CDC42EP5: variants seen among roughly 807,000 people sequenced by gnomAD.
CDC42EP5 encodes CDC42 effector protein (Rho GTPase binding) 5.
For missense variants in CDC42EP5, 269 were observed against 238.0 expected (o/e 1.13, Z -0.86); for synonymous variants, 118 against 123.3 (o/e 0.96, Z 0.28).
chr19:54,470,462 GGAAAGAGAAA>G (rs373631140), intron 2 of CDC42EP5, among the ~76,000 whole-genome samples: 52 of 133,046 alleles, frequency 3.9e-4, no homozygotes, highest in East Asian at 1.3e-3. Flanking sequence ...AAGGAAGGAA[GGAAAGAGAAA>G]GAAAGAGAAA....
Position 54,465,170 on chromosome 19 carries a change from C to T in CDC42EP5, c.378G>A (p.Gly126=), listed in dbSNP as rs978367517. The T allele has an allele frequency of 2.8e-6, 4 of 1,415,390 alleles. No individual in the cohort carries two copies. In the African/African-American group the frequency reaches 4.5e-5, roughly 16 times the overall value. 87.7% of individuals were successfully genotyped at this position (1,415,390 alleles called of 1,614,324 possible). Residue 126 remains glycine, a synonymous_variant, in exon 3 of 3, where the codon GGG becomes GGA. Transcript: ENST00000301200. ...GGCAGCGGGCCTGGGGGGGCTGCGT[C>T]CCGGGGCGGGGTTCCGCGTCGGGCT... The part of the protein sequence containing the change: ...AAKPDAEPRP[G]TQPPQARCRP...
chr19:54,467,925 CTTTTG>C (rs1201625733), intron 2 of CDC42EP5, among the ~76,000 whole-genome samples: 1 of 152,160 alleles, frequency 6.6e-6, no homozygotes, highest in African/African-American at 2.4e-5. Flanking sequence ...TGACCTTGTA[CTTTTG>C]TTTTAACAGT....
rs767148988 is a variant in CDC42EP5 at position 54,465,503 on chromosome 19, C to T, written c.45G>A (p.Arg15=). Residue 15 remains arginine, a synonymous_variant, in exon 3 of 3, where the codon CGG becomes CGA. Transcript: ENST00000301200. ...KQLGPAQPKK[R]PDRGALSISA... is the part of the protein sequence containing the mutation. ...AGATGGACAGGGCGCCGCGATCAGG[C>T]CGCTTCTTGGGCTGCGCGGGGCCCA... The T allele has an allele frequency of 1.3e-5, 20 of 1,541,252 alleles. No homozygotes were observed. The highest frequency in any genetic ancestry group is 1.6e-5 in the Non-Finnish European group (18 of 1,156,082).
Position 54,465,532 on chromosome 19 carries a change from G to A in CDC42EP5, c.16C>T (p.Gln6Ter). 6.5e-7 allele frequency: 1 copy of A among 1,535,846 alleles called. No homozygotes were observed. Among genetic ancestry groups the A allele is most frequent in the Non-Finnish European group, 8.7e-7 (1 of 1,153,228 alleles). The part of the protein sequence containing the change: MPVLK[Q>*]LGPAQPKKRP... ...TTCTTGGGCTGCGCGGGGCCCAGCT[G>A]CTTCAGCACGGGCATCTGCGAGGGG... The change falls in exon 3 of 3, where the codon CAG (glutamine) becomes TAG (stop). Residue 6 changes from glutamine to a stop codon, truncating the protein, a stop_gained. Coordinates refer to ENST00000301200, the MANE Select transcript of CDC42EP5 (RefSeq NM_145057.4). LOFTEE classifies it low-confidence loss of function (END_TRUNC).
In CDC42EP5 at chr19:54,473,267, T is replaced by C. The variant is rs932221912; in HGVS notation, c.-345A>G. The C allele has an allele frequency of 7.1e-6, 1 of 141,242 alleles. No homozygotes were observed. The highest frequency in any genetic ancestry group is 2.7e-5 in the African/African-American group (1 of 36,716). 8.7% of individuals were successfully genotyped at this position (141,242 alleles called of 1,614,324 possible). Reference sequence around the variant, plus strand: ...AGCTGAGGCCCCTCTGGGCGGAGTGTGGGGGCGGGAGGAGGCCAGGACTAA... The same window carrying C: ...AGCTGAGGCCCCTCTGGGCGGAGTGCGGGGGCGGGAGGAGGCCAGGACTAA... On this transcript the variant is annotated 5_prime_UTR_variant, in exon 1 of 3. Coordinates refer to ENST00000301200, the MANE Select transcript of CDC42EP5 (RefSeq NM_145057.4).
At chr19:54,466,437 CT>C (rs2084757243) in intron 2 of CDC42EP5, among the ~76,000 whole-genome samples, 1 of 152,076 alleles carries the variant, frequency 6.6e-6, no homozygotes, top group African/African-American at 2.4e-5. Flanking sequence ...GAGTGAAACC[CT>C]GTCTCAATAA....
At chr19:54,468,700 T>C (rs927849115) in intron 2 of CDC42EP5, among the ~76,000 whole-genome samples, 8 of 146,604 alleles carry the variant, frequency 5.5e-5, no homozygotes, top group African/African-American at 2.0e-4. Context: ...CATGCTACCA[T>C]GTAGTGTTAT....
At chr19:54,465,581 A>G in intron 2 of CDC42EP5, 34 bp from the exon 3 acceptor site, 5 of 1,426,882 alleles carry the variant, frequency 3.5e-6, no homozygotes, top group Non-Finnish European at 4.5e-6. Flanking sequence ...GCGCGGCCCC[A>G]GCCCGGGGCT....
At chr19:54,468,835 T>A (rs904971855) in intron 2 of CDC42EP5, among the ~76,000 whole-genome samples, 4 of 150,684 alleles carry the variant, frequency 2.7e-5, no homozygotes, top group African/African-American at 9.8e-5. Context: ...TACAGGTGTG[T>A]GCCAGTAAGC....
At chr19:54,469,251 C>T (rs935065388) in intron 2 of CDC42EP5, among the ~76,000 whole-genome samples, 2 of 152,148 alleles carry the variant, frequency 1.3e-5, no homozygotes, top group African/African-American at 4.8e-5. Context: ...ACCTCGGCCT[C>T]CCAAAGTGCT....
chr19:54,470,071 G>A (rs1043168571), intron 2 of CDC42EP5, among the ~76,000 whole-genome samples: 3 of 152,080 alleles, frequency 2.0e-5, no homozygotes, highest in South Asian at 2.1e-4. Context: ...AACAGGGGTT[G>A]GAACTCTTGT....
intron 2 of CDC42EP5, among the ~76,000 whole-genome samples, chr19:54,471,135 G>A (rs2084829761): frequency 6.6e-6 from 1 of 152,222 alleles, no homozygotes; most frequent in Non-Finnish European, 1.5e-5. Flanking sequence ...CAGAGGGGCT[G>A]TTGTTTGTGA....
chr19:54,469,342 G>A (rs898723722), intron 2 of CDC42EP5, among the ~76,000 whole-genome samples: 2 of 151,212 alleles, frequency 1.3e-5, no homozygotes, highest in Non-Finnish European at 2.9e-5. Context: ...TAAATGTTGA[G>A]CTCAGCTCAT....
chr19:54,465,506 C>T lies in CDC42EP5; in HGVS notation c.42G>A (p.Lys14=). ...TGGACAGGGCGCCGCGATCAGGCCG[C>T]TTCTTGGGCTGCGCGGGGCCCAGCT... ...LKQLGPAQPK[K]RPDRGALSIS... is the part of the protein sequence containing the mutation. Residue 14 remains lysine (K), a synonymous_variant, in exon 3 of 3, where the codon AAG becomes AAA. Transcript: ENST00000301200. The T allele has an allele frequency of 6.5e-7, 1 of 1,541,268 alleles. No individual in the cohort carries two copies. Among genetic ancestry groups the T allele is most frequent in the Non-Finnish European group, 8.7e-7 (1 of 1,155,982 alleles).
chr19:54,470,772 G>A (rs979456598), intron 2 of CDC42EP5, among the ~76,000 whole-genome samples: 7 of 152,158 alleles, frequency 4.6e-5, no homozygotes, highest in Non-Finnish European at 5.9e-5. Flanking sequence ...AGCAAATGCT[G>A]CGCGCCAGAT....
chr19:54,470,661 T>C (rs2084823164), intron 2 of CDC42EP5, among the ~76,000 whole-genome samples: 1 of 152,090 alleles, frequency 6.6e-6, no homozygotes, highest in Non-Finnish European at 1.5e-5. Context: ...TGCCTCCCCA[T>C]GAATGAACTA....
intron 2 of CDC42EP5, among the ~76,000 whole-genome samples, chr19:54,467,922 G>C (rs1844927513): frequency 1.3e-5 from 2 of 152,128 alleles, no homozygotes; most frequent in African/African-American, 4.8e-5. Context: ...TGATGACCTT[G>C]TACTTTTGTT....
Position 54,467,478 on chromosome 19 carries a change from T to TA in CDC42EP5, c.1-1932dup, listed in dbSNP as rs938284373. On this transcript the variant is annotated intron_variant, in intron 2 of 2. Transcript: ENST00000301200. ...AAAAAAAAAATAAAAAGCCCTATGT[T>TA]AAAAAAAATGGGAAGAATTGCATAA... 2.4e-4 allele frequency among the ~76,000 whole-genome samples: 36 copies of TA among 150,116 alleles called. 1 individual carries two copies. Among genetic ancestry groups the TA allele is most frequent in the Admixed American group, 1.0e-3 (15 of 15,056 alleles).
At chr19:54,469,385 A>G (rs1381933977) in intron 2 of CDC42EP5, among the ~76,000 whole-genome samples, 1 of 152,038 alleles carries the variant, frequency 6.6e-6, no homozygotes, top group Non-Finnish European at 1.5e-5. Context: ...GTTTAAAAAA[A>G]AAATCCTCTC....
Sources: allele counts gnomAD v4.1 joint callset (sites outside exome capture counted in the v4.1 genomes callset), GRCh38; gene constraint gnomAD v4.1.1; transcripts MANE v1.5; gene names NCBI Gene and HGNC (gene_info 2026-07-23, HGNC 2026-07-21).